Variants in LARGE1 observed in about 807,000 individuals in gnomAD.
LARGE1 encodes the protein xylosyl- and glucuronyltransferase LARGE1.
LARGE1 carries 43 observed loss-of-function variants against 87.6 expected under a neutral mutation model. The ratio of observed to expected loss-of-function variants is 0.49; its 90% confidence interval spans 0.38 to 0.63. The LOEUF is 0.63. Among genes scored for constraint, LARGE1 ranks in the 30% least tolerant of loss-of-function variants. LARGE1 has a pLI of 0.00. For synonymous variants in LARGE1, 434 were observed against 394.6 expected, an observed-to-expected ratio of 1.10 and a Z score of -1.18; for missense variants, 802 against 1,000.2, an observed-to-expected ratio of 0.80 and a Z score of 2.67.
intron 6 of LARGE1, among the ~76,000 whole-genome samples, chr22:33,511,978 A>G (rs1540299): frequency 0.55 from 83,610 of 151,980 alleles, 23,328 homozygotes; most frequent in Admixed American, 0.64. Context: ...GTTTACTTGT[A>G]GGTTGACCAT....
intron 2 of LARGE1, among the ~76,000 whole-genome samples, chr22:33,756,063 G>A (rs1354856090): frequency 1.3e-5 from 2 of 152,134 alleles, no homozygotes; most frequent in Non-Finnish European, 2.9e-5. Context: ...AAGAATCAGA[G>A]AAATAGTTTC....
At chr22:33,371,253 T>C (rs994938349) in intron 9 of LARGE1, among the ~76,000 whole-genome samples, 1 of 152,062 alleles carries the variant, frequency 6.6e-6, no homozygotes, top group Non-Finnish European at 1.5e-5. Context: ...CCCAAATGCC[T>C]TTTAGTTCCT....
intron 6 of LARGE1, among the ~76,000 whole-genome samples, chr22:33,492,484 T>A (rs1020313680): frequency 3.8e-4 from 58 of 152,122 alleles, no homozygotes; most frequent in African/African-American, 1.4e-3. Flanking sequence ...AAATGGAAAG[T>A]GCTATCTTGA....
chr22:33,539,465 C>G (rs926493628), intron 6 of LARGE1, among the ~76,000 whole-genome samples: 1 of 152,182 alleles, frequency 6.6e-6, no homozygotes, highest in Admixed American at 6.5e-5. Context: ...ATATCCTGTT[C>G]TATTAGCTAG....
chr22:33,572,163 G>A (rs930650721), intron 5 of LARGE1: 4 of 1,259,712 alleles, frequency 3.2e-6, no homozygotes, highest in East Asian at 5.6e-5. Context: ...ACATTTTGCT[G>A]TGGATTACAA....
intron 6 of LARGE1, among the ~76,000 whole-genome samples, chr22:33,481,242 C>T (rs556893914): frequency 7.4e-5 from 11 of 148,422 alleles, no homozygotes; most frequent in African/African-American, 2.5e-4. Flanking sequence ...CACACACACA[C>T]ACGTACACAC....
intron 1 of LARGE1, among the ~76,000 whole-genome samples, chr22:33,869,399 A>G (rs5754725): frequency 0.47 from 72,008 of 151,886 alleles, 17,367 homozygotes; most frequent in East Asian, 0.62. Flanking sequence ...CCTCCCAAGT[A>G]GGGAAAAAAA....
intron 12 of LARGE1, among the ~76,000 whole-genome samples, chr22:33,291,984 C>A (rs751597930): frequency 6.6e-6 from 1 of 152,132 alleles, no homozygotes; most frequent in Non-Finnish European, 1.5e-5. Context: ...ATCTCAGCTA[C>A]GCAGGAGGCT....
chr22:33,764,099 C>T (rs1264770551), intron 1 of LARGE1, among the ~76,000 whole-genome samples: 3 of 151,996 alleles, frequency 2.0e-5, no homozygotes, highest in Admixed American at 6.5e-5. Flanking sequence ...CCACCCACCT[C>T]GGCCTCCCAA....
chr22:33,877,871 G>A lies in LARGE1; in HGVS notation c.-83+42124C>T, dbSNP rs368727351. ...TGGGAGGCAGAGGCTGCAGTGAGCC[G>A]AGATCATGCCACTCCACTCCAGCCT... On this transcript the variant is annotated intron_variant, in intron 1 of 14. Transcript: ENST00000397394. 1.2e-3 allele frequency among the ~76,000 whole-genome samples: 183 copies of A among 151,806 alleles called. 1 individual carries two copies. Among genetic ancestry groups the A allele is most frequent in the African/African-American group, 4.2e-3 (173 of 41,422 alleles).
At chr22:33,265,781 G>A (rs1927900840) in intron 11 of LARGE1, among the ~76,000 whole-genome samples, 1 of 152,206 alleles carries the variant, frequency 6.6e-6, no homozygotes, top group African/African-American at 2.4e-5. Flanking sequence ...CAGACACGCT[G>A]TTAAGGCTCC....
At chr22:33,439,410 G>A (rs1157255830) in intron 6 of LARGE1, among the ~76,000 whole-genome samples, 2 of 151,984 alleles carry the variant, frequency 1.3e-5, no homozygotes, top group Non-Finnish European at 2.9e-5. Flanking sequence ...CATCCCTGCT[G>A]TCTCTCACCC....
chr22:33,309,536 C>T (rs1602348381), intron 11 of LARGE1, among the ~76,000 whole-genome samples: 1 of 152,180 alleles, frequency 6.6e-6, no homozygotes, highest in Non-Finnish European at 1.5e-5. Context: ...AGTAATGAGG[C>T]ACTCTCTGTG....
intron 2 of LARGE1, among the ~76,000 whole-genome samples, chr22:33,752,479 T>G (rs537141435): frequency 6.6e-6 from 1 of 152,288 alleles, no homozygotes; most frequent in African/African-American, 2.4e-5. Context: ...CAGAAAACCT[T>G]AACGCATCAT....
At chr22:33,725,710 AC>A (rs1364429117) in intron 2 of LARGE1, 1 of 152,242 alleles carries the variant, frequency 6.6e-6, no homozygotes, top group Non-Finnish European at 1.5e-5. Flanking sequence ...CATCAGGCTT[AC>A]ATTTTCCACT....
intron 3 of LARGE1, among the ~76,000 whole-genome samples, chr22:33,643,371 A>G (rs934535808): frequency 2.6e-5 from 4 of 152,266 alleles, no homozygotes; most frequent in Non-Finnish European, 4.4e-5. Flanking sequence ...ACAACATACC[A>G]GAATCTCTGG....
chr22:33,632,221 C>G (rs2080132308), intron 3 of LARGE1, among the ~76,000 whole-genome samples: 1 of 152,206 alleles, frequency 6.6e-6, no homozygotes, highest in Non-Finnish European at 1.5e-5. Flanking sequence ...GTCCCAGGTT[C>G]AAGCGATTCT....
chr22:33,127,331 G>C, the LARGE1 span, among the ~76,000 whole-genome samples: 1 of 117,670 alleles, frequency 8.5e-6, no homozygotes, highest in Non-Finnish European at 1.9e-5. Flanking sequence ...CAAGTGGTCA[G>C]GTGAGAGTGT....
chr22:33,783,856 G>C (rs1461874926), intron 1 of LARGE1, among the ~76,000 whole-genome samples: 1 of 152,156 alleles, frequency 6.6e-6, no homozygotes, highest in East Asian at 1.9e-4. Context: ...GGCTCTACTG[G>C]AAGTAGTGGA....
Sources: allele counts gnomAD v4.1 joint callset (sites outside exome capture counted in the v4.1 genomes callset), GRCh38; gene constraint gnomAD v4.1.1; transcripts MANE v1.5; gene names NCBI Gene and HGNC (gene_info 2026-07-23, HGNC 2026-07-21).